The following PDE1C variants were observed in gnomAD, a reference collection of about 807,000 sequenced individuals.
PDE1C encodes the protein phosphodiesterase 1C, also known as dual specificity calcium/calmodulin-dependent 3',5'-cyclic nucleotide phosphodiesterase 1C.
In PDE1C, 62 loss-of-function variants were observed where a neutral mutation model predicts 93.1. The observed-to-expected ratio is 0.67, with a 90% CI of 0.54 to 0.82. The LOEUF (loss-of-function observed/expected upper bound fraction) is 0.82, where lower values mean the gene tolerates loss of function less well. Among genes scored for constraint, PDE1C ranks in the 40% least tolerant of loss-of-function variants. The pLI is 0.00. For synonymous variants in PDE1C, 325 were observed against 310.1 expected (o/e 1.05, Z -0.50); for missense variants, 742 against 884.6 (o/e 0.84, Z 2.04).
rs149166083 is a variant in PDE1C, at chr7:32,094,659, G to A, written c.308+75126C>T. On this transcript the variant is annotated intron_variant, in intron 3 of 18. Transcript: ENST00000396193. ...TTCTTTACTCGTTTGTGCAAGGACC[G>A]CCCTCATCTCCCTAAGGAAGAGTCC... Among the ~76,000 whole-genome samples, 515 of 152,240 alleles carry A rather than the reference G, an allele frequency of 3.4e-3. 3 individuals are homozygous for A. Among genetic ancestry groups the A allele is most frequent in the Non-Finnish European group, 5.4e-3 (367 of 68,022 alleles).
chr7:31,877,366 T>C lies in PDE1C; in HGVS notation c.492+604A>G, dbSNP rs1583735706. On this transcript the variant is annotated intron_variant, in intron 5 of 17. Transcript: ENST00000396191. The stretch of plus-strand genomic sequence containing the variant: ...TAGCCCATTTAAACTCAAGCATTTG[T>C]ATGACTTCCATGGGAACATTTGGCT... Among the ~76,000 whole-genome samples, 4 of 152,150 alleles carry C rather than the reference T, an allele frequency of 2.6e-5. No individual in the cohort carries two copies. In the South Asian group the frequency reaches 6.2e-4, roughly 24 times the overall value.
At chr7:31,720,169 CAAAAAAAAAAAAAAA>C in the PDE1C span, among the ~76,000 whole-genome samples, 1 of 50,116 alleles carries the variant, frequency 2.0e-5, no homozygotes, top group African/African-American at 6.7e-5. Flanking sequence ...GACTCCGTCT[CAAAAAAAAAAAAAAA>C]AAAAAAAAAA....
intron 16 of PDE1C, among the ~76,000 whole-genome samples, chr7:31,782,420 G>A (rs1430723111): frequency 6.6e-6 from 1 of 152,138 alleles, no homozygotes; most frequent in African/African-American, 2.4e-5. Flanking sequence ...TTTCCAAATT[G>A]AGTAAATTCT....
chr7:32,131,081 T>C (rs907514225), intron 3 of PDE1C, among the ~76,000 whole-genome samples: 9 of 152,124 alleles, frequency 5.9e-5, no homozygotes, highest in Non-Finnish European at 1.2e-4. Flanking sequence ...TCCCACAGGT[T>C]ATGGATCTCT....
intron 3 of PDE1C, among the ~76,000 whole-genome samples, chr7:32,106,738 A>G (rs569481248): frequency 2.6e-5 from 4 of 152,348 alleles, no homozygotes; most frequent in East Asian, 1.9e-4. Flanking sequence ...ATTAGACTCT[A>G]CATCAGTTCT....
At position 32,378,812 on chromosome 7, in the gene PDE1C, C is replaced by T. The variant is rs143692735; in HGVS notation, c.310+49010G>A. On this transcript the variant is annotated intron_variant, in intron 1 of 1. Coordinates refer to the PDE1C transcript ENST00000672256. ...CCTACACCCCTTCCCCTTGAAAAAC[C>T]CCTAACCTCTGCACTTTCAGCAAGA... 3.3e-3 allele frequency among the ~76,000 whole-genome samples: 503 copies of T among 152,306 alleles called. 5 individuals are homozygous for T. Among genetic ancestry groups the T allele is most frequent in the African/African-American group, 0.012 (482 of 41,570 alleles).
chr7:32,075,863 G>A (rs1796320302), upstream of PDE1C, among the ~76,000 whole-genome samples: 1 of 152,124 alleles, frequency 6.6e-6, no homozygotes, highest in Admixed American at 6.5e-5. Flanking sequence ...TCCGATAGAG[G>A]TGGCACAGGC....
the PDE1C span, among the ~76,000 whole-genome samples, chr7:31,699,349 G>A: frequency 3.3e-5 from 5 of 152,144 alleles, no homozygotes; most frequent in African/African-American, 9.7e-5. Context: ...AACAGAGAGG[G>A]GAGCAAGCTA....
intron 9 of PDE1C, among the ~76,000 whole-genome samples, chr7:31,840,470 G>C (rs1447473350): frequency 6.6e-6 from 1 of 151,820 alleles, no homozygotes; most frequent in Admixed American, 6.6e-5. Context: ...TTTTTATAAA[G>C]TTCAATTTAT....
chr7:32,209,158 CAATAGGTCTG>C (rs1474605966), intron 2 of PDE1C, among the ~76,000 whole-genome samples: 13 of 152,166 alleles, frequency 8.5e-5, no homozygotes, highest in Non-Finnish European at 1.6e-4. Context: ...AATTCTGACT[CAATAGGTCTG>C]AAGGGGTGGT....
chr7:31,768,081 C>G (rs1294993166), intron 17 of PDE1C, among the ~76,000 whole-genome samples: 1 of 152,220 alleles, frequency 6.6e-6, no homozygotes, highest in East Asian at 1.9e-4. Flanking sequence ...TGAGCTATAG[C>G]AAGGGTAATT....
intron 2 of PDE1C, among the ~76,000 whole-genome samples, chr7:32,182,849 G>C (rs974464071): frequency 1.3e-5 from 2 of 152,146 alleles, no homozygotes; most frequent in Non-Finnish European, 2.9e-5. Flanking sequence ...AGGAAAAGAG[G>C]AAGTCAAATT....
At chr7:31,873,005 CTGAA>C (rs1796128928) in intron 6 of PDE1C, among the ~76,000 whole-genome samples, 2 of 152,120 alleles carry the variant, frequency 1.3e-5, no homozygotes, top group Non-Finnish European at 2.9e-5. Flanking sequence ...TGGGCAGAGC[CTGAA>C]AGGGAGCTTG....
At chr7:31,716,582 A>G in the PDE1C span, among the ~76,000 whole-genome samples, 93 of 152,350 alleles carry the variant, frequency 6.1e-4, 1 homozygote, top group East Asian at 0.017. Flanking sequence ...CACCATGATC[A>G]TTGACCACAT....
chr7:31,830,606 G>A (rs1790257625), intron 11 of PDE1C, among the ~76,000 whole-genome samples: 1 of 152,184 alleles, frequency 6.6e-6, no homozygotes, highest in African/African-American at 2.4e-5. Context: ...AAAGACAGCA[G>A]TTAGGCAGGT....
intron 7 of PDE1C, among the ~76,000 whole-genome samples, chr7:31,851,091 C>T (rs375905316): frequency 0.013 from 135 of 10,654 alleles, no homozygotes; most frequent in Middle Eastern, 0.056. Flanking sequence ...CACACACACA[C>T]ACACACACAT....
intron 2 of PDE1C, among the ~76,000 whole-genome samples, chr7:31,972,203 C>G (rs532322878): frequency 3.3e-5 from 5 of 152,192 alleles, no homozygotes; most frequent in Non-Finnish European, 7.3e-5. Context: ...AATAACCATT[C>G]TTAAAAGGGA....
the PDE1C span, among the ~76,000 whole-genome samples, chr7:31,683,850 G>A: frequency 6.6e-6 from 1 of 152,174 alleles, no homozygotes; most frequent in Non-Finnish European, 1.5e-5. Context: ...TCATAAAGAT[G>A]GGATATTTGT....
At chr7:32,408,549 G>A (rs1022283150) in intron 1 of PDE1C, among the ~76,000 whole-genome samples, 2 of 152,188 alleles carry the variant, frequency 1.3e-5, no homozygotes, top group African/African-American at 2.4e-5. Context: ...AGCACTTTGG[G>A]AGGCCAAGGC....
Sources: gnomAD v4.1 joint callset for allele counts (sites outside exome capture counted in the v4.1 genomes callset) on GRCh38, gnomAD v4.1.1 for gene constraint, MANE v1.5 for transcripts, NCBI Gene and HGNC (gene_info 2026-07-23, HGNC 2026-07-21) for gene names.